Variants in KCNH1 observed in about 807,000 individuals in gnomAD.
KCNH1 encodes the protein voltage-gated delayed rectifier potassium channel KCNH1.
A neutral mutation model predicts 69.2 loss-of-function variants in KCNH1; 27 were observed. The ratio of observed to expected loss-of-function variants is 0.39; its 90% CI spans 0.29 to 0.54. The LOEUF is 0.54. Ranked by LOEUF, KCNH1 falls within the 20% of genes least tolerant of loss-of-function variation. The pLI, the probability that KCNH1 is intolerant of heterozygous loss-of-function variation, is 0.68. For synonymous variants in KCNH1, 456 were observed against 487.7 expected (o/e 0.93, Z 0.86); for missense variants, 798 against 1,261.6 (o/e 0.63, Z 5.57).
chr1:210,912,490 T>A (rs1327303435), intron 7 of KCNH1, among the ~76,000 whole-genome samples: 1 of 152,234 alleles, frequency 6.6e-6, no homozygotes, highest in Non-Finnish European at 1.5e-5. Context: ...ATGTACCTGA[T>A]ATTTTATGCA....
intron 7 of KCNH1, chr1:210,862,229 G>T: frequency 8.7e-7 from 1 of 1,146,606 alleles, no homozygotes; most frequent in Non-Finnish European, 1.3e-6. Context: ...ATGGCCTCTT[G>T]CAGGGCTGGG....
intron 5 of KCNH1, among the ~76,000 whole-genome samples, chr1:211,028,155 A>C (rs1689717942): frequency 6.6e-6 from 1 of 152,148 alleles, no homozygotes; most frequent in Admixed American, 6.5e-5. Flanking sequence ...CAATGGAATC[A>C]CACTAGAAAC....
intron 7 of KCNH1, among the ~76,000 whole-genome samples, chr1:210,827,318 G>A (rs1010759276): frequency 1.3e-5 from 2 of 151,658 alleles, no homozygotes; most frequent in South Asian, 2.1e-4. Flanking sequence ...GCAACAGGGC[G>A]AGACTCCATC....
intron 5 of KCNH1, among the ~76,000 whole-genome samples, chr1:211,075,463 G>A (rs1273497011): frequency 6.6e-6 from 1 of 152,196 alleles, no homozygotes; most frequent in Non-Finnish European, 1.5e-5. Flanking sequence ...CCATCCAAAC[G>A]TGGATCAAGG....
At chr1:211,027,849 G>T (rs567186297) in intron 5 of KCNH1, among the ~76,000 whole-genome samples, 1 of 151,666 alleles carries the variant, frequency 6.6e-6, no homozygotes, top group East Asian at 1.9e-4. Flanking sequence ...AAATCAAAAG[G>T]AGAAACAGAC....
chr1:210,898,682 G>A (rs570211835), intron 7 of KCNH1, among the ~76,000 whole-genome samples: 4 of 91,104 alleles, frequency 4.4e-5, no homozygotes, highest in African/African-American at 6.3e-5. Flanking sequence ...GCGTGGCGGC[G>A]GGGGGGGGTC....
chr1:210,890,537 G>C (rs946744314), intron 7 of KCNH1, among the ~76,000 whole-genome samples: 2 of 152,076 alleles, frequency 1.3e-5, no homozygotes, highest in South Asian at 2.1e-4. Flanking sequence ...AGCCAAAATT[G>C]ACAAATGGGA....
intron 3 of KCNH1, among the ~76,000 whole-genome samples, chr1:211,096,794 G>A (rs1480782381): frequency 6.6e-6 from 1 of 152,056 alleles, no homozygotes; most frequent in Non-Finnish European, 1.5e-5. Flanking sequence ...AAAAATTAAG[G>A]TGTAAGCATG....
chr1:211,002,648 T>C (rs1689210569), intron 6 of KCNH1, among the ~76,000 whole-genome samples: 1 of 152,072 alleles, frequency 6.6e-6, no homozygotes, highest in African/African-American at 2.4e-5. Flanking sequence ...CATTTGACAA[T>C]TCTAACTCTG....
chr1:211,042,960 G>T (rs1690025539), intron 5 of KCNH1, among the ~76,000 whole-genome samples: 1 of 152,106 alleles, frequency 6.6e-6, no homozygotes, highest in African/African-American at 2.4e-5. Flanking sequence ...TGCAGCAAAG[G>T]TGGTGCTAGA....
intron 7 of KCNH1, among the ~76,000 whole-genome samples, chr1:210,810,941 TAGACTG>T (rs1343989092): frequency 2.6e-5 from 4 of 152,186 alleles, no homozygotes; most frequent in Non-Finnish European, 5.9e-5. Flanking sequence ...GAATTCACTG[TAGACTG>T]ACCTGGCTAG....
chr1:210,788,181 G>C (rs1684138169), intron 9 of KCNH1, among the ~76,000 whole-genome samples: 2 of 152,176 alleles, frequency 1.3e-5, no homozygotes, highest in Non-Finnish European at 1.5e-5. Flanking sequence ...GAAAATAACT[G>C]AAATATGTTG....
chr1:210,865,476 C>T (rs1308420709), intron 7 of KCNH1, among the ~76,000 whole-genome samples: 2 of 151,520 alleles, frequency 1.3e-5, no homozygotes, highest in Non-Finnish European at 2.9e-5. Flanking sequence ...TTGGGTCAAA[C>T]TAAATGATCT....
At chr1:211,120,464 A>G (rs751605316) in intron 1 of KCNH1, among the ~76,000 whole-genome samples, 2 of 152,164 alleles carry the variant, frequency 1.3e-5, no homozygotes, top group Admixed American at 6.5e-5. Flanking sequence ...TGCTGGGATT[A>G]CAGGTGTTAG....
At chr1:211,094,241 G>A (rs1004206395) in intron 3 of KCNH1, among the ~76,000 whole-genome samples, 1 of 152,114 alleles carries the variant, frequency 6.6e-6, no homozygotes, top group Non-Finnish European at 1.5e-5. Flanking sequence ...GTTCACAATA[G>A]GGTTCACGCT....
At chr1:211,119,514 C>G (rs1198031273) in intron 1 of KCNH1, among the ~76,000 whole-genome samples, 1 of 151,726 alleles carries the variant, frequency 6.6e-6, no homozygotes, top group Non-Finnish European at 1.5e-5. Flanking sequence ...TTTGATTTAC[C>G]TGAACCTAAA....
At chr1:210,883,810 G>T (rs1558510298) in intron 7 of KCNH1, among the ~76,000 whole-genome samples, 1 of 152,204 alleles carries the variant, frequency 6.6e-6, no homozygotes, top group South Asian at 2.1e-4. Flanking sequence ...CAGGAAAAGA[G>T]ACAGAATATC....
intron 5 of KCNH1, among the ~76,000 whole-genome samples, chr1:211,069,417 C>T (rs1488039372): frequency 6.6e-6 from 1 of 151,976 alleles, no homozygotes; most frequent in Non-Finnish European, 1.5e-5. Context: ...GCATCAGAAC[C>T]AGACCCAGGT....
At chr1:210,805,080 G>A (rs1345884325) in intron 7 of KCNH1, among the ~76,000 whole-genome samples, 4 of 152,212 alleles carry the variant, frequency 2.6e-5, no homozygotes, top group Admixed American at 2.0e-4. Context: ...CTGTCACCAC[G>A]AGTGTGACCA....
Sources: allele counts gnomAD v4.1 joint callset (sites outside exome capture counted in the v4.1 genomes callset), GRCh38; gene constraint gnomAD v4.1.1; transcripts MANE v1.5; gene names NCBI Gene and HGNC (gene_info 2026-07-23, HGNC 2026-07-21).